The following COL2A1 variants were observed in gnomAD, a reference collection of about 807,000 sequenced individuals.
The protein encoded by COL2A1 is collagen type II alpha 1 chain.
COL2A1 carries 28 observed loss-of-function variants against 204.5 expected under a neutral mutation model. The ratio of observed to expected loss-of-function variants is 0.14; its 90% CI spans 0.10 to 0.19. The LOEUF (loss-of-function observed/expected upper bound fraction) is 0.19, where lower values mean the gene tolerates loss of function less well. Ranked by LOEUF, COL2A1 falls within the 10% of genes least tolerant of loss-of-function variation. The pLI is 1.00. For missense variants in COL2A1, 1,388 were observed against 2,027.5 expected (o/e 0.68, Z 6.06); for synonymous variants, 708 against 718.7 (o/e 0.99, Z 0.24).
Position 47,978,833 on chromosome 12 carries a change from T to A in COL2A1, c.2734-75A>T. ...CCAGGCTGCCAAAGTCACTGTGGCCTCAGTGACAGCAGTTTCCTCTCTGGG... is the reference window on the plus strand; with the variant it reads ...CCAGGCTGCCAAAGTCACTGTGGCCACAGTGACAGCAGTTTCCTCTCTGGG... On this transcript the variant is annotated intron_variant, in intron 41 of 53. Coordinates refer to ENST00000380518, the MANE Select transcript of COL2A1 (RefSeq NM_001844.5). This position sits in a 1 kb window ranked among gnomAD's most constrained non-coding sequence, Gnocchi z 5.5. 1 of 1,499,324 alleles carries A rather than the reference T, an allele frequency of 6.7e-7. No individual in the cohort carries two copies. The highest frequency in any genetic ancestry group is 9.3e-7 in the Non-Finnish European group (1 of 1,080,680). The allele number at this position is 1,499,324 out of a possible 1,614,324, so 92.9% of individuals were successfully genotyped here.
intron 2 of COL2A1, 157 bp downstream of exon 2, chr12:47,999,762 G>T (rs1223309045): frequency 4.7e-6 from 3 of 636,976 alleles, no homozygotes; most frequent in Non-Finnish European, 5.6e-6. Flanking sequence ...GTTTCAACCT[G>T]CAAGTGAGAA....
rs758384775 is a variant in COL2A1 at position 47,974,789 on chromosome 12, G to A, written c.3960C>T (p.Gly1320=). The A allele has an allele frequency of 9.3e-6, 15 of 1,614,160 alleles. No individual in the cohort carries two copies. The highest frequency in any genetic ancestry group is 4.4e-5 in the South Asian group (4 of 91,080). The change falls in exon 52 of 54, where the codon GGC becomes GGT. Residue 1320 remains glycine, a synonymous_variant. Transcript: ENST00000380518. ...CTGGATTGGGGTAGACGCAAGTCTC[G>A]CCAGTCTCCATGTTGCAGAAAACCT... The part of the protein sequence containing the change: ...AMKVFCNMET[G]ETCVYPNPAN...
intron 30 of COL2A1, 79 bp downstream of exon 30, chr12:47,983,604 A>G: frequency 1.3e-6 from 2 of 1,515,912 alleles, no homozygotes; most frequent in Non-Finnish European, 1.8e-6. Context: ...TGGGCCCTCC[A>G]CCGATAGTGC....
At chr12:47,993,600 G>T in intron 14 of COL2A1, 98 bp from the exon 15 acceptor site, 1 of 1,200,772 alleles carries the variant, frequency 8.3e-7, no homozygotes, top group Non-Finnish European at 1.2e-6. Context: ...ATCTCAGCTC[G>T]CACTGACACA....
In COL2A1 at chr12:47,993,736, T is replaced by C. The variant is rs971650028; in HGVS notation, c.924+73A>G. 290 of 1,535,710 alleles carry C rather than the reference T, an allele frequency of 1.9e-4. 2 individuals are homozygous for C. The South Asian group carries it at 3.0e-3, about 16-fold the overall frequency. On this transcript the variant is annotated intron_variant, in intron 14 of 53. Transcript: ENST00000380518. ...GCTAGTTCCACTGAGCTCCACAGTG[T>C]CTCCCTGGCTAGGAAGAGGGGCTCC...
chr12:47,999,193 G>A (rs1406594548), intron 2 of COL2A1, among the ~76,000 whole-genome samples: 5 of 152,172 alleles, frequency 3.3e-5, no homozygotes, highest in African/African-American at 9.7e-5. Context: ...CAGGGAGATA[G>A]GACATCTGTA....
At chr12:47,989,733 T>A in intron 17 of COL2A1, 28 bp downstream of exon 17, 1 of 1,610,326 alleles carries the variant, frequency 6.2e-7, no homozygotes, top group Non-Finnish European at 8.5e-7. Context: ...ACAGCAACAA[T>A]GACCTGCTGA....
Position 47,984,617 on chromosome 12 carries a change from C to T in COL2A1, c.1834-18G>A, listed in dbSNP as rs750965381. 2.7e-5 allele frequency: 44 copies of T among 1,613,746 alleles called. No homozygotes were observed. Among genetic ancestry groups the T allele is most frequent in the Non-Finnish European group, 3.6e-5 (43 of 1,179,708 alleles). On this transcript the variant is annotated intron_variant, in intron 27 of 53. Transcript: ENST00000380518. ...GGCTCACCCTGAAGGAAAGAGAGGG[C>T]AGGGCCATGAGGCGGATGGTTTGGG...
At chr12:47,997,496 T>C in intron 7 of COL2A1, 110 bp downstream of exon 7, 3 of 1,592,152 alleles carry the variant, frequency 1.9e-6, no homozygotes, top group South Asian at 1.1e-5. Context: ...GGACAGGCTA[T>C]GTACACACTG....
chr12:47,980,146 T>C lies in COL2A1; in HGVS notation c.2626-84A>G. 2.3e-6 allele frequency: 3 copies of C among 1,283,504 alleles called. No homozygotes were observed. The highest frequency in any genetic ancestry group is 3.3e-6 in the Non-Finnish European group (3 of 904,610). 79.5% of individuals were successfully genotyped at this position (1,283,504 alleles called of 1,614,324 possible). ...TGTCTGAGCCCCAACAATGGACCCC[T>C]GAGGTTTTCGAAGATGCAGCTTTCT... is the stretch of plus-strand genomic sequence containing the variant. On this transcript the variant is annotated intron_variant, in intron 39 of 53. Coordinates refer to ENST00000380518, the MANE Select transcript of COL2A1 (RefSeq NM_001844.5). This position sits in a 1 kb window ranked among gnomAD's most constrained non-coding sequence, Gnocchi z 4.5.
Position 47,995,694 on chromosome 12 carries a change from C to T in COL2A1, c.708+16G>A, listed in dbSNP as rs1192674738. Reference sequence around the variant, plus strand: ...AGGCTCCCCCAGAGAAGGGACAGGGCCGTGCTGGTACTCACAGAGACACCA... The same window carrying T: ...AGGCTCCCCCAGAGAAGGGACAGGGTCGTGCTGGTACTCACAGAGACACCA... On this transcript the variant is annotated intron_variant, in intron 10 of 53. Transcript: ENST00000380518. 9 of 1,613,336 alleles carry T rather than the reference C, an allele frequency of 5.6e-6. No homozygotes were observed. Among genetic ancestry groups the T allele is most frequent in the Non-Finnish European group, 6.8e-6 (8 of 1,179,368 alleles).
At chr12:47,989,116 C>T in intron 18 of COL2A1, 112 bp downstream of exon 18, 1 of 893,442 alleles carries the variant, frequency 1.1e-6, no homozygotes, top group South Asian at 1.4e-5. Flanking sequence ...TGGTGGGGAG[C>T]TACTTCTCAG....
rs973567389 is a variant in COL2A1, at chr12:47,980,576, G to C, written c.2603C>G (p.Pro868Arg). The change falls in exon 39 of 54, where the codon CCC becomes CGC. Residue 868 changes from proline to arginine, a missense_variant. By Grantham distance (103) the Pro-to-Arg change is moderately radical. This residue lies in a region of COL2A1 where 884 missense variants were observed against 1,415.8 expected (regional missense o/e 0.62). Coordinates refer to ENST00000380518, the MANE Select transcript of COL2A1 (RefSeq NM_001844.5). The surrounding 1 kb of genome is among the most constrained non-coding windows in gnomAD (Gnocchi z 4.5). ...CACCTGAGGCCCAGGTGCTCCAGAGGGGCCCTGAGGACCAGGGGCACCAGC... is the reference window on the plus strand; with the variant it reads ...CACCTGAGGCCCAGGTGCTCCAGAGCGGCCCTGAGGACCAGGGGCACCAGC... ...GDAGAPGPQG[P>R]SGAPGPQGPT... The C allele has an allele frequency of 1.2e-6, 2 of 1,611,312 alleles. No homozygotes were observed. The highest frequency in any genetic ancestry group is 2.7e-5 in the African/African-American group (2 of 74,870).
At chr12:47,994,526 A>C (rs1259595700) in intron 11 of COL2A1, 49 bp from the exon 12 acceptor site, 1 of 1,603,638 alleles carries the variant, frequency 6.2e-7, no homozygotes, top group Non-Finnish European at 8.5e-7. Flanking sequence ...ACGCAGTAGC[A>C]TAGTGGGGGC....
In COL2A1 at chr12:47,997,416, G is replaced by A. The variant is rs567651570; in HGVS notation, c.531+190C>T. 7.3e-4 allele frequency among the ~76,000 whole-genome samples: 111 copies of A among 152,320 alleles called. 1 individual carries two copies. The highest frequency in any genetic ancestry group is 2.1e-3 in the African/African-American group (88 of 41,584). On this transcript the variant is annotated intron_variant, in intron 7 of 53. Coordinates refer to ENST00000380518, the MANE Select transcript of COL2A1 (RefSeq NM_001844.5). ...GAATCCCAGTTAGTGAAAAAAGCCAGCCCTTAGCACCACAGTCTCATGCCT... is the reference window on the plus strand; with the variant it reads ...GAATCCCAGTTAGTGAAAAAAGCCAACCCTTAGCACCACAGTCTCATGCCT...
chr12:47,975,274 C>T, intron 51 of COL2A1, 43 bp downstream of exon 51: 1 of 1,609,650 alleles, frequency 6.2e-7, no homozygotes, highest in Non-Finnish European at 8.5e-7. Flanking sequence ...TAAGGGATGA[C>T]TCCCTGCTTC....
intron 16 of COL2A1, 35 bp from the exon 17 acceptor site, chr12:47,989,840 C>G (rs1332786278): frequency 6.2e-7 from 1 of 1,607,262 alleles, no homozygotes; most frequent in Non-Finnish European, 8.5e-7. Flanking sequence ...TGAGAGGTGC[C>G]CACAGGCCCT....
At position 48,004,380 on chromosome 12, in the gene COL2A1, G is replaced by A; in HGVS notation, c.-59C>T. 1.9e-6 allele frequency: 2 copies of A among 1,079,906 alleles called. No individual in the cohort carries two copies. Among genetic ancestry groups the A allele is most frequent in the Non-Finnish European group, 1.4e-6 (1 of 725,768 alleles). The allele number at this position is 1,079,906 out of a possible 1,614,324, so 66.9% of individuals were successfully genotyped here. On this transcript the variant is annotated 5_prime_UTR_variant, in exon 1 of 54. Transcript: ENST00000380518. ...GGCGGAGCGCAGCGAAACGGCAGGA[G>A]CACGGCGCGGGTCCGGGTCTCTACC...
chr12:47,990,671 C>G (rs1207925963), intron 16 of COL2A1, among the ~76,000 whole-genome samples: 1 of 152,218 alleles, frequency 6.6e-6, no homozygotes, highest in Non-Finnish European at 1.5e-5. Context: ...AGCTCAAACA[C>G]TACATCTGAG....
Sources: gnomAD v4.1 joint callset for allele counts (sites outside exome capture counted in the v4.1 genomes callset) on GRCh38, gnomAD v4.1.1 for gene constraint, gnomAD v4.1.1 regional missense constraint, Gnocchi (gnomAD v3.1) non-coding constraint, MANE v1.5 for transcripts, NCBI Gene and HGNC (gene_info 2026-07-23, HGNC 2026-07-21) for gene names.